The following TSC22D1 variants were observed in gnomAD, a reference collection of about 807,000 sequenced individuals.
TSC22D1 encodes TSC22 domain family protein 1.
TSC22D1 carries 9 observed loss-of-function variants against 74.2 expected under a neutral mutation model. The observed-to-expected ratio is 0.12, with a 90% CI of 0.07 to 0.21. TSC22D1 has a LOEUF of 0.21. TSC22D1 is among the 10% of genes least tolerant of loss of function. The probability of loss-of-function intolerance (pLI) is 1.00; values close to 1 mark genes in which losing one functional copy is unlikely to be tolerated. For synonymous variants in TSC22D1, 586 were observed against 492.5 expected, an observed-to-expected ratio of 1.19 and a Z score of -2.51; for missense variants, 1,427 against 1,304.7, an observed-to-expected ratio of 1.09 and a Z score of -1.44.
intron 1 of TSC22D1, among the ~76,000 whole-genome samples, chr13:44,482,076 T>TATA (rs1295901130): frequency 2.0e-5 from 3 of 152,198 alleles, no homozygotes; most frequent in African/African-American, 7.2e-5. Context: ...ATATAAGTAA[T>TATA]ATAAAGCAAA....
chr13:44,483,646 C>A (rs1326474988), intron 1 of TSC22D1, among the ~76,000 whole-genome samples: 3 of 145,068 alleles, frequency 2.1e-5, no homozygotes, highest in Admixed American at 7.1e-5. Context: ...CCAGCCTGGG[C>A]GACAGAGCGA....
chr13:44,440,704 C>T (rs1445252532), intron 1 of TSC22D1, among the ~76,000 whole-genome samples: 1 of 150,934 alleles, frequency 6.6e-6, no homozygotes. Flanking sequence ...AGAGAATTAT[C>T]AAATAATTTA....
chr13:44,521,682 G>GA (rs79105986), intron 1 of TSC22D1, among the ~76,000 whole-genome samples: 3,804 of 118,410 alleles, frequency 0.032, 115 homozygotes, highest in African/African-American at 0.093. Flanking sequence ...ACAAAGAATG[G>GA]AAAAAAAAAA....
chr13:44,550,472 C>T (rs1024395498), intron 1 of TSC22D1, among the ~76,000 whole-genome samples: 1 of 151,412 alleles, frequency 6.6e-6, no homozygotes, highest in Admixed American at 6.6e-5. Flanking sequence ...ATCCCAGCTA[C>T]TTGAGGGGCT....
At chr13:44,461,164 C>T (rs879826642) in intron 1 of TSC22D1, among the ~76,000 whole-genome samples, 11 of 152,134 alleles carry the variant, frequency 7.2e-5, no homozygotes, top group African/African-American at 2.4e-4. Flanking sequence ...ATTCAACTCA[C>T]GTCTATTATC....
chr13:44,496,555 A>G (rs2784834), intron 1 of TSC22D1, among the ~76,000 whole-genome samples: 76,860 of 151,722 alleles, frequency 0.51, 19,538 homozygotes, highest in East Asian at 0.64. Flanking sequence ...CGTGGTGGCA[A>G]GCGCCTGTAG....
intron 1 of TSC22D1, among the ~76,000 whole-genome samples, chr13:44,477,383 A>G (rs1390914199): frequency 6.6e-6 from 1 of 152,266 alleles, no homozygotes; most frequent in East Asian, 1.9e-4. Context: ...TTTAACAATA[A>G]AATACAATCA....
chr13:44,436,728 A>T, intron 1 of TSC22D1: 1 of 1,499,742 alleles, frequency 6.7e-7, no homozygotes, highest in Non-Finnish European at 8.9e-7. Flanking sequence ...GCCCAGGGAG[A>T]AACAGAAAAC....
intron 1 of TSC22D1, among the ~76,000 whole-genome samples, chr13:44,515,963 T>A (rs1266101793): frequency 6.6e-6 from 1 of 152,140 alleles, no homozygotes; most frequent in African/African-American, 2.4e-5. Flanking sequence ...GAGGGAGAAA[T>A]AAGGATATTA....
intron 1 of TSC22D1, among the ~76,000 whole-genome samples, chr13:44,473,370 C>T (rs1040448147): frequency 6.6e-6 from 1 of 152,104 alleles, no homozygotes; most frequent in Non-Finnish European, 1.5e-5. Context: ...TGGCACACAC[C>T]TGTAGTCCCA....
chr13:44,536,320 C>T (rs74071705), intron 1 of TSC22D1, among the ~76,000 whole-genome samples: 2,550 of 152,000 alleles, frequency 0.017, 61 homozygotes, highest in African/African-American at 0.058. Flanking sequence ...TCTTCAATAA[C>T]TTTTCTTCAA....
chr13:44,434,809 T>C lies in TSC22D1; in HGVS notation c.3039A>G (p.Leu1013=). The change falls in exon 3 of 3, where the codon CTA becomes CTG. Residue 1013 remains leucine (L), a synonymous_variant. Transcript: ENST00000458659. ...GCTCCAGCTGGGAATTTTTCTCTAT[T>C]AGTTCTTTGATTTGCTCTTTGAGGA... is the stretch of plus-strand genomic sequence containing the variant. ...VEVLKEQIKE[L]IEKNSQLEQE... is the part of the protein sequence containing the mutation. 2 of 1,614,118 alleles carry C rather than the reference T, an allele frequency of 1.2e-6. No individual in the cohort carries two copies. Among genetic ancestry groups the C allele is most frequent in the Non-Finnish European group, 1.7e-6 (2 of 1,180,042 alleles).
chr13:44,472,728 T>C (rs985211522), intron 1 of TSC22D1, among the ~76,000 whole-genome samples: 3 of 152,184 alleles, frequency 2.0e-5, no homozygotes, highest in African/African-American at 4.8e-5. Context: ...TGCCTTTGCC[T>C]GAGCCTGGGA....
At chr13:44,528,887 AT>A (rs1433061466) in intron 1 of TSC22D1, among the ~76,000 whole-genome samples, 9 of 152,106 alleles carry the variant, frequency 5.9e-5, no homozygotes, top group Non-Finnish European at 1.3e-4. Flanking sequence ...GTTAGATGAA[AT>A]GGGCAAATTC....
intron 1 of TSC22D1, among the ~76,000 whole-genome samples, chr13:44,475,477 A>T (rs1827172080): frequency 1.3e-5 from 2 of 151,842 alleles, no homozygotes; most frequent in African/African-American, 4.8e-5. Flanking sequence ...AAAAAAAAAA[A>T]AAATTCAAGA....
chr13:44,546,115 CA>C (rs1482693909), intron 1 of TSC22D1, among the ~76,000 whole-genome samples: 2 of 151,958 alleles, frequency 1.3e-5, no homozygotes, highest in African/African-American at 2.4e-5. Context: ...CCATTTATGA[CA>C]AGGAAAATAA....
intron 1 of TSC22D1, among the ~76,000 whole-genome samples, chr13:44,475,434 G>A (rs1171671180): frequency 1.3e-5 from 2 of 149,304 alleles, no homozygotes; most frequent in African/African-American, 2.5e-5. Context: ...AGGGTGGGAG[G>A]GTCAGGAGAG....
At chr13:44,564,101 A>G (rs1322918192) in intron 1 of TSC22D1, among the ~76,000 whole-genome samples, 1 of 152,178 alleles carries the variant, frequency 6.6e-6, no homozygotes, top group Non-Finnish European at 1.5e-5. Flanking sequence ...ACATGATCAT[A>G]AAGAACTTTA....
intron 1 of TSC22D1, among the ~76,000 whole-genome samples, chr13:44,471,931 C>T (rs1374532120): frequency 6.6e-6 from 1 of 152,162 alleles, no homozygotes; most frequent in African/African-American, 2.4e-5. Context: ...AGCAGATCCA[C>T]ATTGTATACA....
Sources: allele counts gnomAD v4.1 joint callset (sites outside exome capture counted in the v4.1 genomes callset), GRCh38; gene constraint gnomAD v4.1.1; transcripts MANE v1.5; gene names NCBI Gene and HGNC (gene_info 2026-07-23, HGNC 2026-07-21).